Variants in CCM2 observed in about 807,000 individuals in gnomAD.
CCM2 encodes CCM2 scaffold protein.
CCM2 carries 25 observed loss-of-function variants against 44.9 expected under a neutral mutation model. That is an observed-to-expected ratio of 0.56 (90% CI 0.41 to 0.78). The LOEUF is 0.78. Among genes scored for constraint, CCM2 ranks in the 30% least tolerant of loss-of-function variants. CCM2 has a pLI of 0.00. For missense variants in CCM2, 481 were observed against 580.6 expected (o/e 0.83, Z 1.76); for synonymous variants, 219 against 241.1 (o/e 0.91, Z 0.85).
chr7:45,005,058 C>T (rs1157097945), intron 1 of CCM2, among the ~76,000 whole-genome samples: 1 of 151,110 alleles, frequency 6.6e-6, no homozygotes, highest in Non-Finnish European at 1.5e-5. Context: ...TGTCACAAGC[C>T]ATACTTGGGT....
At position 45,000,330 on chromosome 7, in the gene CCM2, C is replaced by T. The variant is rs937767334; in HGVS notation, c.-4C>T. On this transcript the variant is annotated 5_prime_UTR_variant, in exon 1 of 10. Transcript: ENST00000258781. Reference sequence around the variant, plus strand: ...GGCGGGCCGCGGGAGCCGCACGCGGCGATATGGAAGAGGAGGGCAAGAAGG... The same window carrying T: ...GGCGGGCCGCGGGAGCCGCACGCGGTGATATGGAAGAGGAGGGCAAGAAGG... 6.2e-6 allele frequency: 8 copies of T among 1,282,614 alleles called. No homozygotes were observed. In the African/African-American group the frequency reaches 7.8e-5, roughly 13 times the overall value. The allele number at this position is 1,282,614 out of a possible 1,614,324, so 79.5% of individuals were successfully genotyped here.
chr7:45,066,307 T>A (rs755976520), intron 4 of CCM2, among the ~76,000 whole-genome samples: 6 of 152,206 alleles, frequency 3.9e-5, no homozygotes, highest in Admixed American at 2.0e-4. Context: ...TTTTAATTTT[T>A]AAAATATTTT....
rs563126330 is a variant in CCM2, at chr7:45,056,104, T to C, written c.205-7814T>C. 5.3e-5 allele frequency among the ~76,000 whole-genome samples: 8 copies of C among 152,362 alleles called. No individual in the cohort carries two copies. The East Asian group carries it at 1.5e-3, about 29-fold the overall frequency. On this transcript the variant is annotated intron_variant, in intron 2 of 9. Coordinates refer to ENST00000258781, the MANE Select transcript of CCM2 (RefSeq NM_031443.4). ...TATCTGTCAATGAACATTTGAGTTGTTTCTTGCTTTAGTTGATTGTGAATC... is the reference window on the plus strand; with the variant it reads ...TATCTGTCAATGAACATTTGAGTTGCTTCTTGCTTTAGTTGATTGTGAATC...
At chr7:45,031,499 C>G (rs1796969213) in intron 1 of CCM2, among the ~76,000 whole-genome samples, 1 of 151,996 alleles carries the variant, frequency 6.6e-6, no homozygotes, top group Non-Finnish European at 1.5e-5. Flanking sequence ...TCCCCCCAGT[C>G]TTTCAGGTAG....
chr7:45,002,586 A>T (rs953060793), intron 1 of CCM2, among the ~76,000 whole-genome samples: 1 of 148,980 alleles, frequency 6.7e-6, no homozygotes, highest in Non-Finnish European at 1.5e-5. Flanking sequence ...ACCTCGGCCC[A>T]TTTTCCTCAG....
chr7:45,027,219 T>C (rs1294961), intron 1 of CCM2: 256,266 of 257,422 alleles, frequency 1, 127,558 homozygotes, highest in East Asian at 1. Flanking sequence ...GCACTGCAAA[T>C]GGGGTAACTG....
At chr7:45,046,070 G>C (rs1320827202) in intron 2 of CCM2, among the ~76,000 whole-genome samples, 3 of 152,134 alleles carry the variant, frequency 2.0e-5, no homozygotes, top group Non-Finnish European at 2.9e-5. Context: ...TGATATAAAT[G>C]GACCAACTCC....
chr7:45,062,248 T>TTA (rs1352325087), intron 2 of CCM2, among the ~76,000 whole-genome samples: 3 of 152,112 alleles, frequency 2.0e-5, no homozygotes, highest in Non-Finnish European at 4.4e-5. Flanking sequence ...AACTTAACTG[T>TTA]GTGAGGTAAT....
At chr7:45,027,244 C>T (rs1158037157) in intron 1 of CCM2, 6 of 285,462 alleles carry the variant, frequency 2.1e-5, no homozygotes, top group South Asian at 1.4e-4. Flanking sequence ...AGCCTTGTCG[C>T]GTGTTTCCAC....
intron 6 of CCM2, chr7:45,071,297 A>G (rs960485122): frequency 6.7e-6 from 1 of 149,850 alleles, no homozygotes; most frequent in African/African-American, 2.5e-5. Flanking sequence ...TTCTTTAATA[A>G]TTTTTTTTTT....
At chr7:45,060,178 CTTTA>C (rs1009309420) in intron 2 of CCM2, among the ~76,000 whole-genome samples, 5 of 152,048 alleles carry the variant, frequency 3.3e-5, no homozygotes, top group African/African-American at 9.7e-5. Flanking sequence ...TGATAAAAAT[CTTTA>C]TTTCTCTTTC....
rs545637514 is a variant in CCM2, at chr7:45,023,040, A to T, written c.31-15213A>T. ...ACAGGCATGAGCCACCTCACCCTGC[A>T]AGTCTGGGCTTTTAGTGTACCCATC... On this transcript the variant is annotated intron_variant, in intron 1 of 9. Transcript: ENST00000258781. Among the ~76,000 whole-genome samples the T allele has an allele frequency of 3.3e-5, 5 of 151,932 alleles. No homozygotes were observed. The South Asian group carries it at 1.0e-3, about 32-fold the overall frequency.
chr7:45,021,456 C>T (rs1353408277), intron 1 of CCM2, among the ~76,000 whole-genome samples: 1 of 151,180 alleles, frequency 6.6e-6, no homozygotes, highest in Admixed American at 6.6e-5. Context: ...CCCAGCTACT[C>T]GGGAGGCTGA....
Position 45,064,537 on chromosome 7 carries a change from G to A in CCM2, c.363G>A (p.Lys121=), listed in dbSNP as rs1259183963. The A allele has an allele frequency of 6.2e-7, 1 of 1,613,880 alleles. No individual in the cohort carries two copies. Among genetic ancestry groups the A allele is most frequent in the East Asian group, 2.2e-5 (1 of 44,888 alleles). ...TCAGCCTGTCTGCGTACAACGTCAAGCTGGCCTGGAGGGACGGGGAGGATA... is the reference window on the plus strand; with the variant it reads ...TCAGCCTGTCTGCGTACAACGTCAAACTGGCCTGGAGGGACGGGGAGGATA... ...AVLSLSAYNV[K]LAWRDGEDII... is the part of the protein sequence containing the mutation. The change falls in exon 4 of 10, where the codon AAG becomes AAA. Residue 121 remains lysine, a synonymous_variant. Coordinates refer to ENST00000258781, the MANE Select transcript of CCM2 (RefSeq NM_031443.4).
At chr7:45,045,383 T>TG (rs1554368142) in intron 2 of CCM2, among the ~76,000 whole-genome samples, 1 of 152,022 alleles carries the variant, frequency 6.6e-6, no homozygotes, top group Non-Finnish European at 1.5e-5. Flanking sequence ...AATCACCGCT[T>TG]AAAAAAATGT....
chr7:45,008,474 G>T (rs1408657751), intron 1 of CCM2, among the ~76,000 whole-genome samples: 5 of 147,522 alleles, frequency 3.4e-5, no homozygotes, highest in African/African-American at 1.3e-4. Context: ...CGATTCTCCT[G>T]CCTCAGCCTT....
chr7:45,005,841 G>T (rs944117450), intron 1 of CCM2, among the ~76,000 whole-genome samples: 2 of 152,254 alleles, frequency 1.3e-5, no homozygotes, highest in African/African-American at 4.8e-5. Flanking sequence ...GACCGGGACT[G>T]TGTCCTGCAG....
chr7:45,018,063 C>CTA (rs10669878), intron 1 of CCM2, among the ~76,000 whole-genome samples: 1 of 152,040 alleles, frequency 6.6e-6, no homozygotes, highest in Non-Finnish European at 1.5e-5. Context: ...TGGGATGAAA[C>CTA]TTCCATATCA....
intron 2 of CCM2, among the ~76,000 whole-genome samples, chr7:45,053,456 C>T (rs1395961711): frequency 6.6e-6 from 1 of 152,188 alleles, no homozygotes; most frequent in African/African-American, 2.4e-5. Flanking sequence ...AAGCAGCACC[C>T]TTCTTGGCTT....
Sources: allele counts gnomAD v4.1 joint callset (sites outside exome capture counted in the v4.1 genomes callset), GRCh38; gene constraint gnomAD v4.1.1; transcripts MANE v1.5; gene names NCBI Gene and HGNC (gene_info 2026-07-23, HGNC 2026-07-21).